The following GNRHR variants were observed in gnomAD, a reference collection of about 807,000 sequenced individuals.
The protein encoded by GNRHR is gonadotropin-releasing hormone receptor.
In GNRHR, 14 loss-of-function variants were observed where a neutral mutation model predicts 28.1. The observed-to-expected ratio is 0.50, with a 90% CI of 0.33 to 0.78. The LOEUF (loss-of-function observed/expected upper bound fraction) is 0.78. Ranked by LOEUF, GNRHR falls within the 30% of genes least tolerant of loss-of-function variation. The pLI is 0.02. For synonymous variants in GNRHR, 141 were observed against 140.5 expected, an observed-to-expected ratio of 1.00 and a Z score of -0.02; for missense variants, 366 against 382.1, an observed-to-expected ratio of 0.96 and a Z score of 0.35.
chr4:67,742,847 A>T (rs1405259001), intron 2 of GNRHR, among the ~76,000 whole-genome samples: 1 of 152,128 alleles, frequency 6.6e-6, no homozygotes, highest in African/African-American at 2.4e-5. Context: ...ATTAATTTTT[A>T]TCTAGAAATA....
chr4:67,754,008 C>T lies in GNRHR; in HGVS notation c.328G>A (p.Gly110Arg), dbSNP rs1363953697. 6.2e-7 allele frequency: 1 copy of T among 1,613,590 alleles called. No individual in the cohort carries two copies. The highest frequency in any genetic ancestry group is 1.3e-5 in the African/African-American group (1 of 74,908). Reference protein sequence around the residue: ...MWNITVQWYAGELLCKVLSYL... With the variant: ...MWNITVQWYARELLCKVLSYL... ...CTGAGAACTTTGCAGAGTAACTCTC[C>T]AGCATACCATTGGACTGTAATGTTC... The change falls in exon 1 of 3, where the codon GGA becomes AGA. Residue 110 changes from glycine to arginine, a missense_variant. Coordinates refer to ENST00000226413, the MANE Select transcript of GNRHR (RefSeq NM_000406.3).
At position 67,740,251 on chromosome 4, in the gene GNRHR, G is replaced by T; in HGVS notation, c.*229C>A. 1 of 486,582 alleles carries T rather than the reference G, an allele frequency of 2.1e-6. No homozygotes were observed. 30.1% of individuals were successfully genotyped at this position (486,582 alleles called of 1,614,324 possible). A position where few individuals can be genotyped will look rare whatever the true frequency, so the allele number is the denominator to read the frequency against. On this transcript the variant is annotated 3_prime_UTR_variant, in exon 3 of 3. Transcript: ENST00000226413. ...GTTATATGAGGTCAGAAAAGGCAGA[G>T]ATTAATTTAGAAGCTTATGAGGAAG...
In GNRHR at chr4:67,738,179, T is replaced by C. The variant is rs1170361628; in HGVS notation, c.*2301A>G. Among the ~76,000 whole-genome samples, 1 of 151,800 alleles carries C rather than the reference T, an allele frequency of 6.6e-6. No homozygotes were observed. The highest frequency in any genetic ancestry group is 1.5e-5 in the Non-Finnish European group (1 of 67,808). On this transcript the variant is annotated 3_prime_UTR_variant, in exon 3 of 3. Coordinates refer to ENST00000226413, the MANE Select transcript of GNRHR (RefSeq NM_000406.3). ...CAATATTTACATTTTTATGTTTGCA[T>C]ATAAATAGATGAATAGATTATGTTA... is the stretch of plus-strand genomic sequence containing the variant.
intron 1 of GNRHR, chr4:67,753,605 C>T (rs1479144483): frequency 1.5e-5 from 9 of 591,190 alleles, no homozygotes; most frequent in African/African-American, 1.5e-4. Flanking sequence ...CCCCATGTTA[C>T]ATTTTATCGG....
intron 1 of GNRHR, among the ~76,000 whole-genome samples, chr4:67,751,948 G>T (rs1238532738): frequency 2.0e-5 from 3 of 151,962 alleles, no homozygotes; most frequent in African/African-American, 7.3e-5. Flanking sequence ...CTTCCCACCG[G>T]ATCATTTCAA....
rs1340935078 is a variant in GNRHR at position 67,740,451 on chromosome 4, T to C, written c.*29A>G. On this transcript the variant is annotated 3_prime_UTR_variant, in exon 3 of 3. Transcript: ENST00000226413. ...GGAGAGATTCATTACCTTACCCTTC[T>C]TCATATGACTTCTTGTGTAGTCTAT... The C allele has an allele frequency of 6.5e-7, 1 of 1,529,532 alleles. No homozygotes were observed. Among genetic ancestry groups the C allele is most frequent in the South Asian group, 1.1e-5 (1 of 89,066 alleles). The allele number at this position is 1,529,532 out of a possible 1,614,324, so 94.7% of individuals were successfully genotyped here.
intron 1 of GNRHR, among the ~76,000 whole-genome samples, chr4:67,752,396 A>T (rs200231277): frequency 7.6e-6 from 1 of 131,320 alleles, no homozygotes; most frequent in Non-Finnish European, 1.7e-5. Context: ...TTTTTTTTTT[A>T]ATAATTTGTT....
At position 67,740,259 on chromosome 4, in the gene GNRHR, T is replaced by G. The variant is rs1731632382; in HGVS notation, c.*221A>C. On this transcript the variant is annotated 3_prime_UTR_variant, in exon 3 of 3. Transcript: ENST00000226413. Reference sequence around the variant, plus strand: ...AGGTCAGAAAAGGCAGAGATTAATTTAGAAGCTTATGAGGAAGAGAAAATA... The same window carrying G: ...AGGTCAGAAAAGGCAGAGATTAATTGAGAAGCTTATGAGGAAGAGAAAATA... The G allele has an allele frequency of 2.0e-6, 1 of 501,368 alleles. No homozygotes were observed. The highest frequency in any genetic ancestry group is 2.3e-5 in the South Asian group (1 of 43,914). The allele number at this position is 501,368 out of a possible 1,614,324, so 31.1% of individuals were successfully genotyped here. A position where few individuals can be genotyped will look rare whatever the true frequency, so the allele number is the denominator to read the frequency against.
intron 2 of GNRHR, among the ~76,000 whole-genome samples, chr4:67,742,749 TA>T (rs1265979895): frequency 2.0e-5 from 3 of 152,202 alleles, no homozygotes; most frequent in Non-Finnish European, 4.4e-5. Context: ...TATTCAGAAA[TA>T]GTCATTCTGA....
intron 2 of GNRHR, among the ~76,000 whole-genome samples, chr4:67,741,719 T>C (rs1731664362): frequency 6.6e-6 from 1 of 152,204 alleles, no homozygotes; most frequent in African/African-American, 2.4e-5. Context: ...TCTATTATTT[T>C]TTGATTTTTT....
At chr4:67,752,151 T>C (rs1731880549) in intron 1 of GNRHR, among the ~76,000 whole-genome samples, 1 of 152,158 alleles carries the variant, frequency 6.6e-6, no homozygotes, top group African/African-American at 2.4e-5. Flanking sequence ...TAAAAAAGTC[T>C]TTGTTTTATT....
Position 67,738,867 on chromosome 4 carries a change from G to T in GNRHR, c.*1613C>A, listed in dbSNP as rs570095578. ...ATGAAAGAGTGAGTAGACAGAGGGA[G>T]TTCAATTGAGACAGAATTGGAAAGT... On this transcript the variant is annotated 3_prime_UTR_variant, in exon 3 of 3. Transcript: ENST00000226413. Among the ~76,000 whole-genome samples the T allele has an allele frequency of 6.6e-6, 1 of 151,922 alleles. No homozygotes were observed. Among genetic ancestry groups the T allele is most frequent in the South Asian group, 2.1e-4 (1 of 4,820 alleles).
At position 67,754,362 on chromosome 4, in the gene GNRHR, T is replaced by G. The variant is rs748014023; in HGVS notation, c.-27A>C. The G allele has an allele frequency of 6.3e-7, 1 of 1,586,452 alleles. No homozygotes were observed. The highest frequency in any genetic ancestry group is 1.3e-5 in the African/African-American group (1 of 74,680). ...TTTTCCCAGGACAGAGCTTCAAGCCTTGTGTCTCTGGTGCATCTGATATTT... is the reference window on the plus strand; with the variant it reads ...TTTTCCCAGGACAGAGCTTCAAGCCGTGTGTCTCTGGTGCATCTGATATTT... On this transcript the variant is annotated 5_prime_UTR_variant, in exon 1 of 3. Transcript: ENST00000226413.
chr4:67,742,387 G>T (rs1361657639), intron 2 of GNRHR, among the ~76,000 whole-genome samples: 1 of 152,158 alleles, frequency 6.6e-6, no homozygotes, highest in Non-Finnish European at 1.5e-5. Flanking sequence ...GAGTATCTCT[G>T]CCACTAAGGA....
chr4:67,747,027 C>T (rs1332422712), intron 1 of GNRHR, among the ~76,000 whole-genome samples: 1 of 152,082 alleles, frequency 6.6e-6, no homozygotes, highest in Non-Finnish European at 1.5e-5. Context: ...TTCTTTGCAA[C>T]CTGACCTTAT....
chr4:67,745,356 C>A (rs1480778791), intron 1 of GNRHR, among the ~76,000 whole-genome samples: 3 of 151,544 alleles, frequency 2.0e-5, no homozygotes, highest in African/African-American at 7.3e-5. Context: ...AAATCTGGGG[C>A]AGTTTAAGCA....
intron 1 of GNRHR, among the ~76,000 whole-genome samples, chr4:67,749,328 A>G (rs1731825095): frequency 6.6e-6 from 1 of 152,140 alleles, no homozygotes; most frequent in African/African-American, 2.4e-5. Context: ...TGGGTTAACC[A>G]TAGAATTTAA....
intron 1 of GNRHR, chr4:67,753,487 G>C (rs1360555834): frequency 7.8e-6 from 2 of 256,724 alleles, no homozygotes; most frequent in Non-Finnish European, 7.5e-6. Context: ...ATAAGGTCAA[G>C]TTTGAGAATC....
At chr4:67,751,214 A>T (rs1359919537) in intron 1 of GNRHR, among the ~76,000 whole-genome samples, 1 of 152,208 alleles carries the variant, frequency 6.6e-6, no homozygotes, top group African/African-American at 2.4e-5. Context: ...ACAGAGACAC[A>T]AACAAGGTTT....
Sources: allele counts gnomAD v4.1 joint callset (sites outside exome capture counted in the v4.1 genomes callset), GRCh38; gene constraint gnomAD v4.1.1; transcripts MANE v1.5; gene names NCBI Gene and HGNC (gene_info 2026-07-23, HGNC 2026-07-21).